PLA2G4E: variants seen among roughly 807,000 people sequenced by gnomAD.
The protein encoded by PLA2G4E is phospholipase A2 group IVE, also known as cytosolic phospholipase A2 epsilon.
In PLA2G4E, 84 loss-of-function variants were observed where a neutral mutation model predicts 109.1. The ratio of observed to expected loss-of-function variants is 0.77; its 90% CI spans 0.65 to 0.92. PLA2G4E has a LOEUF of 0.92. PLA2G4E is among the 40% of genes least tolerant of loss of function. The probability of loss-of-function intolerance (pLI) is 0.00; values close to 1 mark genes in which losing one functional copy is unlikely to be tolerated. For missense variants in PLA2G4E, 1,057 were observed against 1,076.6 expected, an observed-to-expected ratio of 0.98 and a Z score of 0.25; for synonymous variants, 469 against 436.1, an observed-to-expected ratio of 1.08 and a Z score of -0.94.
intron 1 of PLA2G4E, among the ~76,000 whole-genome samples, chr15:42,047,162 G>GA (rs908385488): frequency 6.6e-6 from 1 of 152,220 alleles, no homozygotes; most frequent in Non-Finnish European, 1.5e-5. Context: ...TTGGCAGGTA[G>GA]AGGTGGGGTG....
intron 1 of PLA2G4E, among the ~76,000 whole-genome samples, chr15:42,041,581 G>A (rs1228041241): frequency 6.6e-6 from 1 of 152,214 alleles, no homozygotes; most frequent in Non-Finnish European, 1.5e-5. Flanking sequence ...CTCCCCAGGA[G>A]ACCCATTGAA....
intron 1 of PLA2G4E, among the ~76,000 whole-genome samples, chr15:42,044,161 G>T (rs747636756): frequency 1.3e-5 from 2 of 152,176 alleles, no homozygotes; most frequent in Non-Finnish European, 2.9e-5. Flanking sequence ...AGCTTTGAAA[G>T]AAAATAATTT....
chr15:41,986,018 C>A lies in PLA2G4E; in HGVS notation c.2036-13G>T. On this transcript the variant is annotated splice_polypyrimidine_tract_variant and intron_variant, in intron 17 of 19. Transcript: ENST00000399518. ...TCTAGCACTGTGTCTGAAAGCCAAGCCTTCCCGTTACCAACACACCTGGTG... is the reference window on the plus strand; with the variant it reads ...TCTAGCACTGTGTCTGAAAGCCAAGACTTCCCGTTACCAACACACCTGGTG... 1 of 1,580,830 alleles carries A rather than the reference C, an allele frequency of 6.3e-7. No individual in the cohort carries two copies.
exon 9 of PLA2G4E, chr15:41,999,933 A>C (rs143233371): frequency 6.2e-7 from 1 of 1,609,952 alleles, no homozygotes; most frequent in Non-Finnish European, 8.5e-7. Flanking sequence ...CAGGGTCATC[A>C]CCTGACCATC....
intron 1 of PLA2G4E, 130 bp from the exon 2 acceptor site, chr15:42,013,887 T>G (rs1467772500): frequency 1.1e-5 from 4 of 363,888 alleles, no homozygotes; most frequent in South Asian, 1.1e-4. Flanking sequence ...GGCTGGTTTT[T>G]TTTTTTTTTT....
At chr15:42,015,010 G>C (rs532217500) in intron 1 of PLA2G4E, among the ~76,000 whole-genome samples, 2 of 152,138 alleles carry the variant, frequency 1.3e-5, no homozygotes, top group South Asian at 4.1e-4. Context: ...TCCTCCTTCC[G>C]TCCTGCCCCT....
At chr15:42,000,594 A>T (rs1374020572) in intron 7 of PLA2G4E, among the ~76,000 whole-genome samples, 1 of 152,220 alleles carries the variant, frequency 6.6e-6, no homozygotes, top group Non-Finnish European at 1.5e-5. Context: ...CCCACTGTAG[A>T]GGAGGCAGAC....
At chr15:42,013,569 G>T in intron 2 of PLA2G4E, 116 bp downstream of exon 2, 2 of 930,250 alleles carry the variant, frequency 2.1e-6, no homozygotes, top group Middle Eastern at 2.4e-4. Flanking sequence ...CACCATGCAC[G>T]TGCACACGTG....
chr15:41,999,658 C>T (rs958814294), intron 9 of PLA2G4E, 97 bp from the exon 10 acceptor site: 55 of 1,438,566 alleles, frequency 3.8e-5, no homozygotes, highest in Middle Eastern at 1.8e-4. Context: ...TCAGCACACA[C>T]GTGCACACAC....
At chr15:42,038,865 AAAGT>A (rs2141075417) in intron 1 of PLA2G4E, among the ~76,000 whole-genome samples, 1 of 152,346 alleles carries the variant, frequency 6.6e-6, no homozygotes, top group African/African-American at 2.4e-5. Context: ...AGTGTTCTCC[AAAGT>A]AATTGTTACT....
chr15:42,017,668 T>C (rs1336905459), intron 1 of PLA2G4E, among the ~76,000 whole-genome samples: 1 of 152,180 alleles, frequency 6.6e-6, no homozygotes, highest in Non-Finnish European at 1.5e-5. Flanking sequence ...TGCCTTCATC[T>C]CCTCTTCCTT....
chr15:42,023,243 G>A (rs1238647019), intron 1 of PLA2G4E, among the ~76,000 whole-genome samples: 2 of 151,760 alleles, frequency 1.3e-5, no homozygotes, highest in Non-Finnish European at 2.9e-5. Context: ...TCTCTGGAGG[G>A]CCAGGCACAT....
At position 42,000,302 on chromosome 15, in the gene PLA2G4E, G is replaced by A. The variant is rs1306028599; in HGVS notation, c.674-20C>T. 3 of 1,548,794 alleles carry A rather than the reference G, an allele frequency of 1.9e-6. No homozygotes were observed. Among genetic ancestry groups the A allele is most frequent in the Admixed American group, 2.0e-5 (1 of 51,184 alleles). ...CCTTCACTGGGAGAGAGGACAAGAG[G>A]GTGAGACCCTGGGAGCCTCTCACTA... is the stretch of plus-strand genomic sequence containing the variant. On this transcript the variant is annotated intron_variant, in intron 7 of 19. Coordinates refer to ENST00000399518, the Ensembl canonical transcript of PLA2G4E.
chr15:41,987,093 T>TTATCCA, intron 17 of PLA2G4E, 79 bp downstream of exon 17: 1 of 1,439,132 alleles, frequency 6.9e-7, no homozygotes. Flanking sequence ...TTCTTATTCT[T>TTATCCA]TATCCATGGC....
chr15:42,045,273 G>A (rs1281030578), intron 1 of PLA2G4E, among the ~76,000 whole-genome samples: 1 of 152,192 alleles, frequency 6.6e-6, no homozygotes, highest in South Asian at 2.1e-4. Flanking sequence ...CTCACTCCAC[G>A]TGGGTGGCAC....
chr15:42,021,423 A>T (rs2141065596), intron 1 of PLA2G4E, among the ~76,000 whole-genome samples: 1 of 150,588 alleles, frequency 6.6e-6, no homozygotes, highest in South Asian at 2.2e-4. Flanking sequence ...CTCTAGGAGG[A>T]TGCGACCGTC....
At chr15:41,984,119 C>G in intron 19 of PLA2G4E, 145 bp from the exon 20 acceptor site, 1 of 760,332 alleles carries the variant, frequency 1.3e-6, no homozygotes, top group Non-Finnish European at 2.2e-6. Flanking sequence ...CACCCTCACA[C>G]ACGCACCTGC....
intron 1 of PLA2G4E, among the ~76,000 whole-genome samples, chr15:42,037,445 C>T (rs995859527): frequency 1.3e-5 from 2 of 152,232 alleles, no homozygotes; most frequent in Non-Finnish European, 2.9e-5. Flanking sequence ...CTAGTAGGGA[C>T]GCCCTGGCTG....
intron 5 of PLA2G4E, 106 bp downstream of exon 5, chr15:42,004,832 A>G: frequency 8.3e-7 from 1 of 1,207,938 alleles, no homozygotes; most frequent in Non-Finnish European, 1.2e-6. Flanking sequence ...GTGAGACTGG[A>G]AGAGGGTGAG....
Sources: allele counts gnomAD v4.1 joint callset (sites outside exome capture counted in the v4.1 genomes callset), GRCh38; gene constraint gnomAD v4.1.1; transcripts MANE v1.5; gene names NCBI Gene and HGNC (gene_info 2026-07-23, HGNC 2026-07-21).